Variants in POM121C observed in about 807,000 individuals in gnomAD.
POM121C encodes nuclear envelope pore membrane protein POM 121C.
A neutral mutation model predicts 66.4 loss-of-function variants in POM121C; 20 were observed. That is an observed-to-expected ratio of 0.30 (90% CI 0.21 to 0.44). The LOEUF is 0.44. Ranked by LOEUF, POM121C falls within the 20% of genes least tolerant of loss-of-function variation. POM121C has a pLI of 1.00. For missense variants in POM121C, 580 were observed against 1,225.7 expected (o/e 0.47, Z 7.87); for synonymous variants, 286 against 528.0 (o/e 0.54, Z 6.28).
intron 3 of POM121C, among the ~76,000 whole-genome samples, chr7:75,453,102 G>A (rs1379832442): frequency 3.9e-5 from 6 of 152,048 alleles, no homozygotes; most frequent in African/African-American, 1.4e-4. Context: ...ACCACCACCT[G>A]CTTTGTGCAA....
intron 1 of POM121C, among the ~76,000 whole-genome samples, chr7:75,481,149 T>C (rs1361388270): frequency 3.3e-5 from 5 of 149,916 alleles, no homozygotes; most frequent in Non-Finnish European, 7.4e-5. Flanking sequence ...TGGGATTTCT[T>C]TGTAAAATCC....
At chr7:75,482,977 G>A (rs1792366661) in intron 1 of POM121C, among the ~76,000 whole-genome samples, 1 of 152,188 alleles carries the variant, frequency 6.6e-6, no homozygotes, top group Non-Finnish European at 1.5e-5. Context: ...AAACAGAAAT[G>A]AGGAAATCTT....
intron 3 of POM121C, among the ~76,000 whole-genome samples, chr7:75,463,100 A>T (rs1791502293): frequency 6.6e-6 from 1 of 152,116 alleles, no homozygotes; most frequent in Non-Finnish European, 1.5e-5. Context: ...AGGCGGGTAG[A>T]TCACTTGAGG....
intron 3 of POM121C, among the ~76,000 whole-genome samples, chr7:75,447,241 C>T (rs1297716065): frequency 1.6e-4 from 25 of 151,770 alleles, no homozygotes; most frequent in Non-Finnish European, 3.2e-4. Flanking sequence ...CATATGTTTA[C>T]AAAGTTGAGA....
chr7:75,485,367 A>G (rs28705795), intron 1 of POM121C, among the ~76,000 whole-genome samples: 1 of 152,090 alleles, frequency 6.6e-6, no homozygotes, highest in African/African-American at 2.4e-5. Context: ...GGGTTCTACT[A>G]TGAGCAGCTC....
chr7:75,428,264 T>G (rs782581782), intron 7 of POM121C, among the ~76,000 whole-genome samples: 1 of 152,074 alleles, frequency 6.6e-6, no homozygotes, highest in Non-Finnish European at 1.5e-5. Flanking sequence ...CTCAGCCTCC[T>G]GAGTAGCTGG....
chr7:75,454,077 G>C (rs1218104543), intron 3 of POM121C, among the ~76,000 whole-genome samples: 2 of 152,204 alleles, frequency 1.3e-5, no homozygotes, highest in East Asian at 1.9e-4. Flanking sequence ...TTATTGGTCA[G>C]GGCAATCACA....
chr7:75,461,990 T>C (rs1431761759), intron 3 of POM121C, among the ~76,000 whole-genome samples: 3 of 147,542 alleles, frequency 2.0e-5, no homozygotes, highest in African/African-American at 5.2e-5. Flanking sequence ...CACAGAAACA[T>C]TGATAAACCA....
intron 1 of POM121C, among the ~76,000 whole-genome samples, chr7:75,483,959 G>C (rs1230513258): frequency 4.6e-5 from 7 of 152,042 alleles, no homozygotes; most frequent in African/African-American, 1.7e-4. Flanking sequence ...AAAATTAGCT[G>C]GGCATGGTGG....
chr7:75,450,055 A>G (rs1188798661), intron 3 of POM121C, among the ~76,000 whole-genome samples: 1 of 151,994 alleles, frequency 6.6e-6, no homozygotes, highest in Non-Finnish European at 1.5e-5. Flanking sequence ...AGAGACGTGC[A>G]GAGAAAAGGT....
Position 75,418,435 on chromosome 7 carries a change from C to T in POM121C, c.*361G>A. The T allele has an allele frequency of 4.8e-6, 5 of 1,039,224 alleles. No individual in the cohort carries two copies. Among genetic ancestry groups the T allele is most frequent in the Non-Finnish European group, 4.6e-6 (4 of 864,338 alleles). 64.4% of individuals were successfully genotyped at this position (1,039,224 alleles called of 1,614,324 possible). A position where few individuals can be genotyped will look rare whatever the true frequency, so the allele number is the denominator to read the frequency against. ...CGATCCAGGCGGGCTGGACCCTGCC[C>T]CCTCCAGCGACGACGGCTCTCGGGG... On this transcript the variant is annotated 3_prime_UTR_variant, in exon 15 of 15. Transcript: ENST00000615331.
intron 7 of POM121C, among the ~76,000 whole-genome samples, chr7:75,433,404 GGA>G (rs1354294040): frequency 1.3e-5 from 2 of 151,888 alleles, no homozygotes; most frequent in South Asian, 2.1e-4. Context: ...CGCCCAGGCT[GGA>G]GTGTAGTGGC....
At position 75,434,429 on chromosome 7, in the gene POM121C, C is replaced by CA. The variant is rs199585018; in HGVS notation, c.480+3085dup. 7.5e-3 allele frequency among the ~76,000 whole-genome samples: 1,141 copies of CA among 152,078 alleles called. 14 individuals carry two copies. The highest frequency in any genetic ancestry group is 0.026 in the African/African-American group (1,066 of 41,480). ...AGCTGGGATTATAGGCACACGCCAC[C>CA]ACACCTGGTTAAATTTTTTGTATTT... On this transcript the variant is annotated intron_variant, in intron 7 of 14. Transcript: ENST00000615331.
At chr7:75,429,632 C>G (rs1173486678) in intron 7 of POM121C, among the ~76,000 whole-genome samples, 1 of 151,680 alleles carries the variant, frequency 6.6e-6, no homozygotes, top group East Asian at 1.9e-4. Flanking sequence ...CTCCATCTCA[C>G]AAAACAAAAC....
At chr7:75,471,244 T>TGTCTCCCA (rs1281170264) in intron 3 of POM121C, among the ~76,000 whole-genome samples, 1 of 152,124 alleles carries the variant, frequency 6.6e-6, no homozygotes. Flanking sequence ...AGTCTTGCTC[T>TGTCTCCCA]GTCACCCAGG....
intron 3 of POM121C, among the ~76,000 whole-genome samples, chr7:75,443,118 T>A (rs1162989167): frequency 2.0e-5 from 3 of 152,196 alleles, no homozygotes; most frequent in African/African-American, 7.2e-5. Flanking sequence ...CGGCTGAGTT[T>A]TCCCCCCCAC....
At chr7:75,421,372 G>A in intron 13 of POM121C, 137 bp downstream of exon 13, 1 of 1,494,954 alleles carries the variant, frequency 6.7e-7, no homozygotes, top group Non-Finnish European at 8.9e-7. Flanking sequence ...CATGTATCAT[G>A]CCCTGGCATC....
chr7:75,467,803 A>G (rs1349430628), intron 3 of POM121C, among the ~76,000 whole-genome samples: 1 of 151,994 alleles, frequency 6.6e-6, no homozygotes, highest in African/African-American at 2.4e-5. Context: ...GCACCTACCT[A>G]TGTGTGAGGA....
intron 3 of POM121C, chr7:75,442,905 T>A (rs1347322203): frequency 5.7e-6 from 5 of 877,288 alleles, no homozygotes; most frequent in Non-Finnish European, 6.8e-6. Flanking sequence ...ACTCTTGCGG[T>A]TTCCTGCATG....
Sources: allele counts gnomAD v4.1 joint callset (sites outside exome capture counted in the v4.1 genomes callset), GRCh38; gene constraint gnomAD v4.1.1; transcripts MANE v1.5; gene names NCBI Gene and HGNC (gene_info 2026-07-23, HGNC 2026-07-21).